TAFA1: variants seen among roughly 807,000 people sequenced by gnomAD.
TAFA1 encodes chemokine-like protein TAFA-1.
TAFA1 carries 4 observed loss-of-function variants against 18.5 expected under a neutral mutation model. That is an observed-to-expected ratio of 0.22 (90% CI 0.11 to 0.49). The LOEUF (loss-of-function observed/expected upper bound fraction) is 0.49, where lower values mean the gene tolerates loss of function less well. Among genes scored for constraint, TAFA1 ranks in the 20% least tolerant of loss-of-function variants. The probability of loss-of-function intolerance (pLI) is 0.98; values close to 1 mark genes in which losing one functional copy is unlikely to be tolerated. For synonymous variants in TAFA1, 56 were observed against 55.2 expected (o/e 1.01, Z -0.06); for missense variants, 147 against 169.0 (o/e 0.87, Z 0.72).
At position 68,388,376 on chromosome 3, in the gene TAFA1, A is replaced by G. The variant is rs575758036; in HGVS notation, c.119-28904A>G. 3.9e-5 allele frequency among the ~76,000 whole-genome samples: 6 copies of G among 152,302 alleles called. No individual in the cohort carries two copies. In the East Asian group the frequency reaches 9.6e-4, roughly 24 times the overall value. ...AAGCACATTAGCAAATTTAGTAACT[A>G]TATTACACAGAGGCCTCAATGTGCA... On this transcript the variant is annotated intron_variant, in intron 2 of 4. Coordinates refer to ENST00000478136, the MANE Select transcript of TAFA1 (RefSeq NM_213609.4).
chr3:68,385,175 G>A (rs145814521), intron 2 of TAFA1, among the ~76,000 whole-genome samples: 111 of 152,110 alleles, frequency 7.3e-4, no homozygotes, highest in African/African-American at 2.4e-3. Flanking sequence ...CTGGGTTTTC[G>A]CCCCTGAGGA....
chr3:68,305,965 G>A (rs2106661400), intron 2 of TAFA1, among the ~76,000 whole-genome samples: 1 of 152,276 alleles, frequency 6.6e-6, no homozygotes, highest in South Asian at 2.1e-4. Flanking sequence ...GTATGGTGAG[G>A]CATAGATTTA....
rs552866348 is a variant in TAFA1, at chr3:68,105,388, C to G, written c.118+98644C>G. On this transcript the variant is annotated intron_variant, in intron 2 of 4. Coordinates refer to ENST00000478136, the MANE Select transcript of TAFA1 (RefSeq NM_213609.4). ...GTCGTGTCAAAATAATTTTTAGACT[C>G]TAAAATGTTCAGCCAGTTAAACAAA... 4.6e-5 allele frequency among the ~76,000 whole-genome samples: 7 copies of G among 152,238 alleles called. 1 individual carries two copies. The highest frequency in any genetic ancestry group is 1.4e-4 in the African/African-American group (6 of 41,564).
intron 2 of TAFA1, among the ~76,000 whole-genome samples, chr3:68,011,717 T>C (rs996037091): frequency 2.6e-5 from 4 of 152,186 alleles, no homozygotes; most frequent in Admixed American, 1.3e-4. Flanking sequence ...ATATAGCGAA[T>C]TGGCCTAAGG....
chr3:68,292,543 A>C (rs1443140859), intron 2 of TAFA1, among the ~76,000 whole-genome samples: 3 of 151,920 alleles, frequency 2.0e-5, no homozygotes, highest in Non-Finnish European at 2.9e-5. Flanking sequence ...TTTTCTTTTT[A>C]AAAGACAAGG....
At chr3:68,189,186 C>T (rs953825413) in intron 2 of TAFA1, among the ~76,000 whole-genome samples, 4 of 151,908 alleles carry the variant, frequency 2.6e-5, no homozygotes, top group Admixed American at 1.3e-4. Context: ...TCAGTAGGTG[C>T]TGGCTTATTG....
At chr3:68,387,181 GA>G (rs2106696171) in intron 2 of TAFA1, among the ~76,000 whole-genome samples, 1 of 152,058 alleles carries the variant, frequency 6.6e-6, no homozygotes, top group African/African-American at 2.4e-5. Context: ...GTTGTTGGCT[GA>G]AAGCAGGACT....
intron 2 of TAFA1, among the ~76,000 whole-genome samples, chr3:68,202,618 C>T (rs2066480802): frequency 6.6e-6 from 1 of 151,640 alleles, no homozygotes; most frequent in Admixed American, 6.6e-5. Flanking sequence ...CACAATTAAT[C>T]AAGCCAAATT....
At chr3:68,102,125 G>A (rs909264431) in intron 2 of TAFA1, among the ~76,000 whole-genome samples, 1 of 152,150 alleles carries the variant, frequency 6.6e-6, no homozygotes, top group Non-Finnish European at 1.5e-5. Context: ...GACTCTGGAA[G>A]TTATTATGCC....
At chr3:68,314,266 A>C (rs1034768022) in intron 2 of TAFA1, among the ~76,000 whole-genome samples, 2 of 152,184 alleles carry the variant, frequency 1.3e-5, no homozygotes, top group African/African-American at 2.4e-5. Context: ...TTCAAAAATT[A>C]AATTCGTATT....
chr3:68,352,904 T>C (rs1026011860), intron 2 of TAFA1, among the ~76,000 whole-genome samples: 2 of 152,146 alleles, frequency 1.3e-5, no homozygotes, highest in South Asian at 2.1e-4. Context: ...CTACCTATGA[T>C]GACCTTCCCA....
chr3:68,137,026 A>G (rs1472086819), intron 2 of TAFA1, among the ~76,000 whole-genome samples: 1 of 152,176 alleles, frequency 6.6e-6, no homozygotes, highest in Non-Finnish European at 1.5e-5. Context: ...TTTAAAAGAG[A>G]AGACTGAAAG....
intron 2 of TAFA1, among the ~76,000 whole-genome samples, chr3:68,314,076 G>A (rs2068565713): frequency 6.6e-6 from 1 of 152,024 alleles, no homozygotes; most frequent in Non-Finnish European, 1.5e-5. Context: ...GATTAAGATG[G>A]CTCCCATCGT....
Position 68,403,678 on chromosome 3 carries a change from G to A in TAFA1, c.119-13602G>A, listed in dbSNP as rs184138357. On this transcript the variant is annotated intron_variant, in intron 2 of 4. Transcript: ENST00000478136. Reference sequence around the variant, plus strand: ...GAGGTTGCATTTGTGATATAACAGCGAAGTTTGGTAGTTGCTCCAGAGACC... The same window carrying A: ...GAGGTTGCATTTGTGATATAACAGCAAAGTTTGGTAGTTGCTCCAGAGACC... Among the ~76,000 whole-genome samples, 220 of 152,294 alleles carry A rather than the reference G, an allele frequency of 1.4e-3. 1 individual carries two copies. The highest frequency in any genetic ancestry group is 6.9e-3 in the Admixed American group (106 of 15,302).
chr3:68,095,030 T>C (rs931226126), intron 2 of TAFA1, among the ~76,000 whole-genome samples: 2 of 152,134 alleles, frequency 1.3e-5, no homozygotes, highest in African/African-American at 4.8e-5. Context: ...ATCATGGAAA[T>C]GGCCTGTGAC....
chr3:68,506,501 C>T (rs1231646160), intron 3 of TAFA1, among the ~76,000 whole-genome samples: 7 of 138,276 alleles, frequency 5.1e-5, no homozygotes, highest in Admixed American at 4.2e-4. Context: ...AGCAAATATG[C>T]TTTATCAGTT....
intron 2 of TAFA1, among the ~76,000 whole-genome samples, chr3:68,391,881 A>G (rs2070258763): frequency 1.3e-5 from 2 of 152,170 alleles, no homozygotes; most frequent in African/African-American, 4.8e-5. Context: ...GAAAGGAAAA[A>G]TCAGTACCAG....
At chr3:68,068,417 C>T (rs1240834689) in intron 2 of TAFA1, among the ~76,000 whole-genome samples, 1 of 152,092 alleles carries the variant, frequency 6.6e-6, no homozygotes, top group African/African-American at 2.4e-5. Flanking sequence ...TATTAGCTGG[C>T]TATTTCTGCT....
At chr3:68,151,049 ATGGCCATCC>A (rs1033297430) in intron 2 of TAFA1, among the ~76,000 whole-genome samples, 72 of 151,858 alleles carry the variant, frequency 4.7e-4, no homozygotes, top group African/African-American at 1.4e-3. Flanking sequence ...TAAACTCAGG[ATGGCCATCC>A]TGAGTTTATT....
Sources: allele counts gnomAD v4.1 joint callset (sites outside exome capture counted in the v4.1 genomes callset), GRCh38; gene constraint gnomAD v4.1.1; transcripts MANE v1.5; gene names NCBI Gene and HGNC (gene_info 2026-07-23, HGNC 2026-07-21).